PSD3: variants seen among roughly 807,000 people sequenced by gnomAD.
PSD3 encodes PH and SEC7 domain-containing protein 3.
A neutral mutation model predicts 105.5 loss-of-function variants in PSD3; 49 were observed. The observed-to-expected ratio is 0.46, with a 90% CI of 0.37 to 0.59. The LOEUF is 0.59. Among genes scored for constraint, PSD3 ranks in the 20% least tolerant of loss-of-function variants. The pLI is 0.00. For missense variants in PSD3, 1,561 were observed against 1,263.8 expected, an observed-to-expected ratio of 1.24 and a Z score of -3.57; for synonymous variants, 557 against 457.8, an observed-to-expected ratio of 1.22 and a Z score of -2.77.
intron 4 of PSD3, among the ~76,000 whole-genome samples, chr8:18,835,981 A>G (rs1814078106): frequency 6.6e-6 from 1 of 152,226 alleles, no homozygotes; most frequent in Non-Finnish European, 1.5e-5. Context: ...GCAGGGTGTT[A>G]GTTGCAAAGA....
chr8:19,066,072 C>A (rs1166419260), intron 1 of PSD3, among the ~76,000 whole-genome samples: 1 of 152,224 alleles, frequency 6.6e-6, no homozygotes, highest in African/African-American at 2.4e-5. Context: ...TTGGTCAAGT[C>A]ATGGCAGCAC....
chr8:18,750,846 G>A (rs1476929157), intron 9 of PSD3, among the ~76,000 whole-genome samples: 1 of 152,146 alleles, frequency 6.6e-6, no homozygotes, highest in African/African-American at 2.4e-5. Flanking sequence ...CCCTGAGCTA[G>A]ACACAGGGTG....
At chr8:18,642,445 TTATTA>T (rs1217467791) in intron 10 of PSD3, among the ~76,000 whole-genome samples, 3 of 152,172 alleles carry the variant, frequency 2.0e-5, no homozygotes, top group Non-Finnish European at 2.9e-5. Flanking sequence ...GAAACTATAT[TTATTA>T]TATATCATCT....
At chr8:19,072,136 C>T (rs576061019) in intron 1 of PSD3, among the ~76,000 whole-genome samples, 1 of 147,016 alleles carries the variant, frequency 6.8e-6, no homozygotes, top group Admixed American at 6.9e-5. Flanking sequence ...GAGTCTCCCT[C>T]TGTCGCCCAG....
intron 9 of PSD3, among the ~76,000 whole-genome samples, chr8:18,671,271 T>A (rs1435194856): frequency 6.6e-6 from 1 of 152,176 alleles, no homozygotes; most frequent in Non-Finnish European, 1.5e-5. Flanking sequence ...TGGTGTAGGT[T>A]GAAAGTTACC....
chr8:18,795,159 A>C (rs908540389), intron 8 of PSD3, among the ~76,000 whole-genome samples: 1 of 152,140 alleles, frequency 6.6e-6, no homozygotes, highest in Admixed American at 6.5e-5. Flanking sequence ...TCTTCTCCCT[A>C]CCAGTAAGTT....
chr8:18,980,843 C>T (rs903242737), intron 1 of PSD3, among the ~76,000 whole-genome samples: 2 of 152,186 alleles, frequency 1.3e-5, no homozygotes, highest in African/African-American at 4.8e-5. Context: ...ACTCCTAATT[C>T]GGAACACTGA....
intron 1 of PSD3, among the ~76,000 whole-genome samples, chr8:18,949,244 A>AATAT (rs1215845074): frequency 0.019 from 269 of 14,408 alleles, 12 homozygotes; most frequent in Middle Eastern, 0.12. Flanking sequence ...AAAAAAAAAA[A>AATAT]ATATATATAT....
At chr8:18,563,911 G>A (rs1013368546) in intron 14 of PSD3, among the ~76,000 whole-genome samples, 1 of 152,140 alleles carries the variant, frequency 6.6e-6, no homozygotes, top group African/African-American at 2.4e-5. Context: ...GAAATCATCT[G>A]GGTCAGATTA....
chr8:19,032,815 A>T (rs575961084), intron 1 of PSD3, among the ~76,000 whole-genome samples: 27 of 152,274 alleles, frequency 1.8e-4, no homozygotes, highest in African/African-American at 6.0e-4. Context: ...TAGAAATTAC[A>T]TCTCACTTTT....
chr8:18,724,650 ATTCT>A (rs1175115518), intron 9 of PSD3, among the ~76,000 whole-genome samples: 1 of 152,136 alleles, frequency 6.6e-6, no homozygotes, highest in Non-Finnish European at 1.5e-5. Context: ...AAATAAAATA[ATTCT>A]TTCTGCTGGT....
intron 12 of PSD3, among the ~76,000 whole-genome samples, chr8:18,599,281 C>A (rs1354010204): frequency 6.6e-6 from 1 of 152,102 alleles, no homozygotes; most frequent in Non-Finnish European, 1.5e-5. Context: ...GAAGCTGGAA[C>A]CCTTATGTAC....
chr8:18,610,224 T>A (rs1315770608), intron 11 of PSD3, among the ~76,000 whole-genome samples: 1 of 152,102 alleles, frequency 6.6e-6, no homozygotes, highest in African/African-American at 2.4e-5. Context: ...ACTCTATACT[T>A]CTTTATTTGA....
chr8:18,734,706 G>T (rs186413025), intron 9 of PSD3, among the ~76,000 whole-genome samples: 1 of 152,276 alleles, frequency 6.6e-6, no homozygotes, highest in Admixed American at 6.5e-5. Context: ...ACGATGAGGT[G>T]ACTGGGTTAG....
intron 1 of PSD3, among the ~76,000 whole-genome samples, chr8:18,972,468 T>C (rs564075174): frequency 6.6e-6 from 1 of 152,272 alleles, no homozygotes; most frequent in Admixed American, 6.5e-5. Flanking sequence ...TTTGAAGGAA[T>C]CCAACCCCGG....
chr8:18,957,543 T>C (rs567560341), intron 1 of PSD3, among the ~76,000 whole-genome samples: 2 of 137,306 alleles, frequency 1.5e-5, no homozygotes, highest in Admixed American at 7.3e-5. Flanking sequence ...GTCACTAGCA[T>C]TGGAATGCTG....
intron 1 of PSD3, among the ~76,000 whole-genome samples, chr8:18,970,166 A>C (rs932088105): frequency 6.6e-6 from 1 of 151,506 alleles, no homozygotes; most frequent in Non-Finnish European, 1.5e-5. Flanking sequence ...TCTACTAAAA[A>C]TACAAAAAAT....
In PSD3 at chr8:18,620,553, T is replaced by C. The variant is rs1232699361; in HGVS notation, c.2410+12060A>G. 5.3e-5 allele frequency among the ~76,000 whole-genome samples: 8 copies of C among 151,864 alleles called. No homozygotes were observed. The East Asian group carries it at 1.6e-3, about 29-fold the overall frequency. Reference sequence around the variant, plus strand: ...GGTGCAACCCTATCTCTATAAAAAATAAAAAATTAGTGGGGTGTGACAGCA... The same window carrying C: ...GGTGCAACCCTATCTCTATAAAAAACAAAAAATTAGTGGGGTGTGACAGCA... On this transcript the variant is annotated intron_variant, in intron 11 of 15. Transcript: ENST00000327040.
intron 4 of PSD3, among the ~76,000 whole-genome samples, chr8:18,852,552 T>TGC (rs1815674991): frequency 6.6e-6 from 1 of 152,190 alleles, no homozygotes; most frequent in South Asian, 2.1e-4. Context: ...CCACACTACA[T>TGC]GAGCACACAG....
Sources: gnomAD v4.1 joint callset for allele counts (sites outside exome capture counted in the v4.1 genomes callset) on GRCh38, gnomAD v4.1.1 for gene constraint, MANE v1.5 for transcripts, NCBI Gene and HGNC (gene_info 2026-07-23, HGNC 2026-07-21) for gene names.